The following GALNT17 variants were observed in gnomAD, a reference collection of about 807,000 sequenced individuals.
GALNT17 encodes UDP-GalNAc:polypeptide N-acetylgalactosaminyltransferase-like 3.
In GALNT17, 29 loss-of-function variants were observed where a neutral mutation model predicts 63.7. That is an observed-to-expected ratio of 0.46 (90% CI 0.34 to 0.62). The LOEUF is 0.62. GALNT17 is among the 20% of genes least tolerant of loss of function. GALNT17 has a pLI of 0.01. For synonymous variants in GALNT17, 305 were observed against 318.3 expected, an observed-to-expected ratio of 0.96 and a Z score of 0.45; for missense variants, 603 against 799.6, an observed-to-expected ratio of 0.75 and a Z score of 2.97.
At position 71,184,938 on chromosome 7, in the gene GALNT17, CACTT is replaced by C. The variant is rs1185793291; in HGVS notation, c.238+51899_238+51902del. 6.5e-3 allele frequency among the ~76,000 whole-genome samples: 501 copies of C among 76,560 alleles called. 13 individuals are homozygous for C. Among genetic ancestry groups the C allele is most frequent in the East Asian group, 0.06 (144 of 2,408 alleles). 50.2% of individuals were successfully genotyped at this position (76,560 alleles called of 152,430 possible). ...ACCCACCCTCCCTCCCTCCCTTCCTCACTTCCTTCCTTCCTTCCTTCCTTCCTTC... is the reference window on the plus strand; with the variant it reads ...ACCCACCCTCCCTCCCTCCCTTCCTCCCTTCCTTCCTTCCTTCCTTCCTTC... On this transcript the variant is annotated intron_variant, in intron 1 of 10. Coordinates refer to ENST00000333538, the MANE Select transcript of GALNT17 (RefSeq NM_022479.3).
At chr7:71,595,421 G>C (rs934678336) in intron 6 of GALNT17, among the ~76,000 whole-genome samples, 1 of 149,166 alleles carries the variant, frequency 6.7e-6, no homozygotes, top group African/African-American at 2.5e-5. Flanking sequence ...GACAGAGGGA[G>C]ACTCTGTCTC....
chr7:71,144,939 A>T (rs35046850), intron 1 of GALNT17, among the ~76,000 whole-genome samples: 11,774 of 152,174 alleles, frequency 0.077, 1,147 homozygotes, highest in African/African-American at 0.23. Flanking sequence ...CATGTTAGCC[A>T]GGATGGTCTT....
chr7:71,253,307 A>G lies in GALNT17; in HGVS notation c.239-82243A>G, dbSNP rs142138825. Among the ~76,000 whole-genome samples, 686 of 152,304 alleles carry G rather than the reference A, an allele frequency of 4.5e-3. 4 individuals carry two copies. Among genetic ancestry groups the G allele is most frequent in the Non-Finnish European group, 7.6e-3 (518 of 68,034 alleles). On this transcript the variant is annotated intron_variant, in intron 1 of 10. Coordinates refer to ENST00000333538, the MANE Select transcript of GALNT17 (RefSeq NM_022479.3). The stretch of plus-strand genomic sequence containing the variant: ...GGCACATCTTACATGACAAGAGAGA[A>G]TAAGAGCCAATTAGAAGGGGAAACC...
intron 5 of GALNT17, among the ~76,000 whole-genome samples, chr7:71,425,319 T>C (rs1583941391): frequency 6.6e-6 from 1 of 151,538 alleles, no homozygotes; most frequent in Non-Finnish European, 1.5e-5. Context: ...GCCTCCCGGG[T>C]TCGAGCAATT....
At chr7:71,531,921 G>T (rs1788727169) in intron 5 of GALNT17, among the ~76,000 whole-genome samples, 1 of 152,212 alleles carries the variant, frequency 6.6e-6, no homozygotes, top group African/African-American at 2.4e-5. Context: ...GAACAATAAT[G>T]TAGGAAGCAG....
intron 6 of GALNT17, among the ~76,000 whole-genome samples, chr7:71,646,378 G>T (rs1292651173): frequency 1.3e-5 from 2 of 152,112 alleles, no homozygotes; most frequent in African/African-American, 4.8e-5. Context: ...GCAGGACCAG[G>T]GCTGTTCCTG....
chr7:71,295,327 T>C (rs1232829869), intron 1 of GALNT17, among the ~76,000 whole-genome samples: 1 of 152,170 alleles, frequency 6.6e-6, no homozygotes, highest in Admixed American at 6.6e-5. Flanking sequence ...ATTCCATTGC[T>C]TGCCCACCTT....
chr7:71,276,280 C>T (rs964978883), intron 1 of GALNT17, among the ~76,000 whole-genome samples: 1 of 152,160 alleles, frequency 6.6e-6, no homozygotes, highest in Non-Finnish European at 1.5e-5. Flanking sequence ...GCTGAACATA[C>T]AACTGCCATT....
chr7:71,707,387 T>C (rs1791736425), intron 9 of GALNT17, among the ~76,000 whole-genome samples: 1 of 152,122 alleles, frequency 6.6e-6, no homozygotes, highest in Non-Finnish European at 1.5e-5. Context: ...TCTTAAACAA[T>C]ATAATTTTCC....
At chr7:71,216,382 G>A (rs1789477924) in intron 1 of GALNT17, among the ~76,000 whole-genome samples, 1 of 152,142 alleles carries the variant, frequency 6.6e-6, no homozygotes, top group South Asian at 2.1e-4. Flanking sequence ...ACTTTGTGAA[G>A]TAGCTCTGGG....
At chr7:71,420,189 C>G (rs557968779) in intron 4 of GALNT17, among the ~76,000 whole-genome samples, 3 of 152,262 alleles carry the variant, frequency 2.0e-5, no homozygotes, top group African/African-American at 4.8e-5. Context: ...GTCTCCTAAG[C>G]CAGTCGGGCT....
chr7:71,557,654 G>T (rs192860421), intron 5 of GALNT17, among the ~76,000 whole-genome samples: 3 of 152,072 alleles, frequency 2.0e-5, no homozygotes, highest in Non-Finnish European at 2.9e-5. Flanking sequence ...AGCCAGGCCC[G>T]GTGGCGTGTG....
At chr7:71,428,602 C>A (rs1172659180) in intron 5 of GALNT17, among the ~76,000 whole-genome samples, 1 of 152,058 alleles carries the variant, frequency 6.6e-6, no homozygotes, top group Non-Finnish European at 1.5e-5. Flanking sequence ...CCATGCCCAG[C>A]TAATTTTTGT....
At chr7:71,369,716 G>A (rs540308833) in intron 2 of GALNT17, among the ~76,000 whole-genome samples, 3 of 147,004 alleles carry the variant, frequency 2.0e-5, no homozygotes, top group Admixed American at 7.2e-5. Context: ...GGGAGGCTGC[G>A]ACACAAGAAT....
chr7:71,602,606 C>G (rs2116936963), intron 6 of GALNT17, among the ~76,000 whole-genome samples: 1 of 152,318 alleles, frequency 6.6e-6, no homozygotes, highest in South Asian at 2.1e-4. Flanking sequence ...CTCTCTCTCC[C>G]TCTGCAGCTT....
At chr7:71,281,159 AAC>A (rs1329240585) in intron 1 of GALNT17, among the ~76,000 whole-genome samples, 4 of 152,138 alleles carry the variant, frequency 2.6e-5, no homozygotes, top group African/African-American at 7.2e-5. Context: ...AGTTGAAATA[AAC>A]ACAGTGTTAT....
intron 2 of GALNT17, among the ~76,000 whole-genome samples, chr7:71,370,568 T>A (rs1434010907): frequency 6.6e-6 from 1 of 151,554 alleles, no homozygotes; most frequent in East Asian, 1.9e-4. Context: ...CACTGCAACC[T>A]CTGCCTCTCA....
At chr7:71,659,254 A>G (rs1229536311) in intron 6 of GALNT17, among the ~76,000 whole-genome samples, 1 of 152,264 alleles carries the variant, frequency 6.6e-6, no homozygotes, top group East Asian at 1.9e-4. Context: ...AATATCCTCT[A>G]TGTATCACTT....
intron 1 of GALNT17, among the ~76,000 whole-genome samples, chr7:71,154,868 G>A (rs117913891): frequency 0.033 from 5,062 of 151,946 alleles, 139 homozygotes; most frequent in Non-Finnish European, 0.04. Flanking sequence ...GAGCCACCGC[G>A]CCCGGCCACA....
Sources: gnomAD v4.1 joint callset for allele counts (sites outside exome capture counted in the v4.1 genomes callset) on GRCh38, gnomAD v4.1.1 for gene constraint, MANE v1.5 for transcripts, NCBI Gene and HGNC (gene_info 2026-07-23, HGNC 2026-07-21) for gene names.